Variants in NTF3 observed in about 807,000 individuals in gnomAD.
The protein encoded by NTF3 is neurotrophin 3.
Under a neutral mutation model 26.3 loss-of-function variants are expected in NTF3, and 8 were observed. The ratio of observed to expected loss-of-function variants is 0.30; its 90% CI spans 0.18 to 0.55. NTF3 has a LOEUF of 0.55. Ranked by LOEUF, NTF3 falls within the 20% of genes least tolerant of loss-of-function variation. NTF3 has a pLI of 0.93. For synonymous variants in NTF3, 154 were observed against 145.5 expected (o/e 1.06, Z -0.42); for missense variants, 276 against 352.9 (o/e 0.78, Z 1.75).
intron 1 of NTF3, among the ~76,000 whole-genome samples, chr12:5,435,692 T>A (rs897685014): frequency 2.0e-5 from 3 of 152,152 alleles, no homozygotes; most frequent in Non-Finnish European, 4.4e-5. Flanking sequence ...ATAGCTGGAA[T>A]GAGACCTGTT....
intron 1 of NTF3, among the ~76,000 whole-genome samples, chr12:5,465,335 C>A (rs528646337): frequency 6.6e-6 from 1 of 152,300 alleles, no homozygotes; most frequent in Admixed American, 6.5e-5. Flanking sequence ...TGGAATGATT[C>A]CTGCTGCTGA....
In NTF3 at chr12:5,456,543, AGAG is replaced by A. The variant is rs903601778; in HGVS notation, c.18+24205_18+24207del. Among the ~76,000 whole-genome samples, 1 of 152,098 alleles carries A rather than the reference AGAG, an allele frequency of 6.6e-6. No individual in the cohort carries two copies. The highest frequency in any genetic ancestry group is 1.5e-5 in the Non-Finnish European group (1 of 68,018). On this transcript the variant is annotated intron_variant, in intron 1 of 1. Coordinates refer to ENST00000423158, the MANE Select transcript of NTF3 (RefSeq NM_001102654.2). The surrounding 1 kb of genome is among the most constrained non-coding windows in gnomAD (Gnocchi z 4.4). The stretch of plus-strand genomic sequence containing the variant: ...TGGCTCCTCAGAGAGCTCTAGGGAC[AGAG>A]GAGAGAAAGGGTCTGCATTCTGTTT...
chr12:5,483,584 T>C (rs764588875), intron 1 of NTF3, among the ~76,000 whole-genome samples: 21 of 152,346 alleles, frequency 1.4e-4, no homozygotes, highest in South Asian at 2.1e-4. Context: ...TTGTGAGTAG[T>C]GCTGCAGTGA....
chr12:5,461,576 G>T (rs1251334749), intron 1 of NTF3, among the ~76,000 whole-genome samples: 1 of 151,956 alleles, frequency 6.6e-6, no homozygotes, highest in Non-Finnish European at 1.5e-5. Flanking sequence ...TGACCCCCAA[G>T]CCAATCCCCA....
intron 1 of NTF3, among the ~76,000 whole-genome samples, chr12:5,480,925 T>C (rs1329525927): frequency 2.6e-5 from 4 of 152,124 alleles, no homozygotes; most frequent in Non-Finnish European, 5.9e-5. Context: ...GAGTTTCTCC[T>C]TCCATCTCAC....
chr12:5,453,777 G>A (rs1323080583), intron 1 of NTF3, among the ~76,000 whole-genome samples: 1 of 152,186 alleles, frequency 6.6e-6, no homozygotes, highest in Non-Finnish European at 1.5e-5. Context: ...GACCAGGAAT[G>A]GCCCAGCAAC....
chr12:5,475,042 A>G (rs1940705726), intron 1 of NTF3, among the ~76,000 whole-genome samples: 1 of 152,160 alleles, frequency 6.6e-6, no homozygotes, highest in South Asian at 2.1e-4. Context: ...TGGATGTCCC[A>G]TGGATGTCTA....
At chr12:5,485,134 A>G (rs1014231220) in intron 1 of NTF3, among the ~76,000 whole-genome samples, 2 of 152,264 alleles carry the variant, frequency 1.3e-5, no homozygotes, top group African/African-American at 4.8e-5. Flanking sequence ...ACCATAAACA[A>G]TTGATCCCAC....
intron 1 of NTF3, among the ~76,000 whole-genome samples, chr12:5,435,068 T>G (rs983980491): frequency 3.9e-5 from 6 of 152,126 alleles, no homozygotes; most frequent in Non-Finnish European, 8.8e-5. Flanking sequence ...GAATGAGGGA[T>G]GTACATTTAA....
chr12:5,495,058 T>C lies in NTF3; in HGVS notation c.*70T>C. ...GATATGCATGTAGCATATAAATGTT[T>C]ATATTGTTTTTATATATTATAAGTT... On this transcript the variant is annotated 3_prime_UTR_variant, in exon 2 of 2. Transcript: ENST00000423158. 1 of 1,426,052 alleles carries C rather than the reference T, an allele frequency of 7.0e-7. No homozygotes were observed. The highest frequency in any genetic ancestry group is 9.6e-7 in the Non-Finnish European group (1 of 1,041,612). The allele number at this position is 1,426,052 out of a possible 1,614,324, so 88.3% of individuals were successfully genotyped here.
chr12:5,476,739 T>C (rs959978439), intron 1 of NTF3, among the ~76,000 whole-genome samples: 1 of 152,240 alleles, frequency 6.6e-6, no homozygotes, highest in Non-Finnish European at 1.5e-5. Context: ...CGGTAAATTA[T>C]GGCAAATTAA....
At chr12:5,437,983 C>T (rs1356705909) in intron 1 of NTF3, among the ~76,000 whole-genome samples, 1 of 152,086 alleles carries the variant, frequency 6.6e-6, no homozygotes, top group African/African-American at 2.4e-5. Context: ...ATGCTTGGCT[C>T]AGATTGGATT....
rs1009831233 is a variant in NTF3, at chr12:5,494,095, C to T, written c.19-99C>T. ...TTACCTGGGGGGCGGTACCCTCTCT[C>T]GTGCCCTCACAGGGCTACTCAGCCT... On this transcript the variant is annotated intron_variant, in intron 1 of 1. Coordinates refer to ENST00000423158, the MANE Select transcript of NTF3 (RefSeq NM_001102654.2). This position sits in a 1 kb window ranked among gnomAD's most constrained non-coding sequence, Gnocchi z 8.3. The T allele has an allele frequency of 2.8e-5, 32 of 1,143,380 alleles. No homozygotes were observed. Among genetic ancestry groups the T allele is most frequent in the Non-Finnish European group, 3.8e-5 (30 of 798,240 alleles). The allele number at this position is 1,143,380 out of a possible 1,614,324, so 70.8% of individuals were successfully genotyped here.
intron 1 of NTF3, among the ~76,000 whole-genome samples, chr12:5,465,680 C>T (rs1940581100): frequency 6.6e-6 from 1 of 152,234 alleles, no homozygotes; most frequent in Non-Finnish European, 1.5e-5. Flanking sequence ...GATGGCCACG[C>T]AAGGCTTTCA....
intron 1 of NTF3, among the ~76,000 whole-genome samples, chr12:5,487,163 ATC>A (rs1940876944): frequency 2.0e-5 from 3 of 152,094 alleles, no homozygotes; most frequent in Non-Finnish European, 4.4e-5. Flanking sequence ...CTCCTTTAAG[ATC>A]TCTCTTTGCC....
chr12:5,430,445 C>G (rs997962184), upstream of NTF3, among the ~76,000 whole-genome samples: 3 of 151,724 alleles, frequency 2.0e-5, no homozygotes, highest in Non-Finnish European at 4.4e-5. Context: ...TGAAGGACTA[C>G]CCTACCCTTG....
chr12:5,460,756 A>G (rs1940514823), intron 1 of NTF3, among the ~76,000 whole-genome samples: 1 of 152,238 alleles, frequency 6.6e-6, no homozygotes, highest in African/African-American at 2.4e-5. Context: ...AATAAACTGG[A>G]TCAGAACCAG....
rs948458954 is a variant in NTF3 at position 5,442,202 on chromosome 12, C to T, written c.18+9860C>T. Among the ~76,000 whole-genome samples, 19 of 152,318 alleles carry T rather than the reference C, an allele frequency of 1.2e-4. No homozygotes were observed. The South Asian group carries it at 1.5e-3, about 12-fold the overall frequency. On this transcript the variant is annotated intron_variant, in intron 1 of 1. Transcript: ENST00000423158. ...AGGAAGATGGAATACAGGGTTCCCA[C>T]TTCAGGTGTTGTTTTTTAGTACAAA...
At chr12:5,493,027 AGGTGGCAGCGAT>A (rs1304778178) in intron 1 of NTF3, among the ~76,000 whole-genome samples, 1 of 152,190 alleles carries the variant, frequency 6.6e-6, no homozygotes, top group African/African-American at 2.4e-5. Context: ...GGAGCCAGTG[AGGTGGCAGCGAT>A]GGTGATTAAG....
Sources: gnomAD v4.1 joint callset for allele counts (sites outside exome capture counted in the v4.1 genomes callset) on GRCh38, gnomAD v4.1.1 for gene constraint, Gnocchi (gnomAD v3.1) non-coding constraint, MANE v1.5 for transcripts, NCBI Gene and HGNC (gene_info 2026-07-23, HGNC 2026-07-21) for gene names.